SPATA16: variants seen among roughly 807,000 people sequenced by gnomAD.
SPATA16 encodes spermatogenesis-associated protein 16.
In SPATA16, 36 loss-of-function variants were observed where a neutral mutation model predicts 63.3. That is an observed-to-expected ratio of 0.57 (90% CI 0.44 to 0.75). The LOEUF is 0.75. Among genes scored for constraint, SPATA16 ranks in the 30% least tolerant of loss-of-function variants. The pLI is 0.00. For synonymous variants in SPATA16, 203 were observed against 216.7 expected, an observed-to-expected ratio of 0.94 and a Z score of 0.56; for missense variants, 646 against 679.3, an observed-to-expected ratio of 0.95 and a Z score of 0.54.
intron 6 of SPATA16, among the ~76,000 whole-genome samples, chr3:172,947,728 T>C (rs779443066): frequency 6.6e-6 from 1 of 151,820 alleles, no homozygotes; most frequent in Admixed American, 6.6e-5. Flanking sequence ...AGTTGAACAA[T>C]GAGAACACAT....
chr3:173,014,563 C>T (rs1442512885), intron 4 of SPATA16, among the ~76,000 whole-genome samples: 1 of 152,078 alleles, frequency 6.6e-6, no homozygotes, highest in Non-Finnish European at 1.5e-5. Flanking sequence ...AATAAACCCG[C>T]ACATGTATCC....
At chr3:172,992,744 C>G (rs1734608229) in intron 4 of SPATA16, among the ~76,000 whole-genome samples, 1 of 152,012 alleles carries the variant, frequency 6.6e-6, no homozygotes, top group Non-Finnish European at 1.5e-5. Flanking sequence ...AGACTCAAGG[C>G]CCTGCCCAAA....
At chr3:172,961,012 T>G (rs1733753009) in intron 5 of SPATA16, among the ~76,000 whole-genome samples, 1 of 142,324 alleles carries the variant, frequency 7.0e-6, no homozygotes. Flanking sequence ...CTTTCTTTCT[T>G]TCTTTTTCTC....
chr3:173,115,746 T>G (rs1183808866), intron 2 of SPATA16, among the ~76,000 whole-genome samples: 1 of 152,208 alleles, frequency 6.6e-6, no homozygotes, highest in East Asian at 1.9e-4. Flanking sequence ...TATTAATAAT[T>G]CATTATAACT....
chr3:172,889,746 T>C (rs1157642371), intron 10 of SPATA16, 54 bp from the exon 11 acceptor site: 6 of 1,602,424 alleles, frequency 3.7e-6, no homozygotes, highest in Non-Finnish European at 4.2e-6. Flanking sequence ...CTGGGTTTTG[T>C]ATACTTATAA....
chr3:173,006,342 A>G (rs1436590319), intron 4 of SPATA16, among the ~76,000 whole-genome samples: 2 of 152,250 alleles, frequency 1.3e-5, no homozygotes. Context: ...GCCTTGAATA[A>G]AGAGAAAGCC....
intron 2 of SPATA16, among the ~76,000 whole-genome samples, chr3:173,077,657 C>A (rs2108311499): frequency 6.6e-6 from 1 of 152,246 alleles, no homozygotes; most frequent in East Asian, 1.9e-4. Context: ...ATGGCTCAGT[C>A]CAAGTGCACA....
At chr3:172,991,111 A>G (rs775109289) in intron 4 of SPATA16, among the ~76,000 whole-genome samples, 5 of 152,084 alleles carry the variant, frequency 3.3e-5, no homozygotes, top group Non-Finnish European at 5.9e-5. Flanking sequence ...GTCCTAGTCC[A>G]TCCTTGATGT....
chr3:172,937,088 A>G (rs533624224), intron 6 of SPATA16, among the ~76,000 whole-genome samples: 37 of 152,278 alleles, frequency 2.4e-4, no homozygotes, highest in Admixed American at 2.4e-3. Context: ...AATATCGAAC[A>G]CCTAGTTAGT....
At chr3:172,961,069 T>TCTTCCTTCTTTC (rs1733765554) in intron 5 of SPATA16, among the ~76,000 whole-genome samples, 1 of 72,346 alleles carries the variant, frequency 1.4e-5, no homozygotes, top group Admixed American at 1.4e-4. Context: ...CTTTCTTCTT[T>TCTTCCTTCTTTC]CTTCCTTCCT....
intron 3 of SPATA16, among the ~76,000 whole-genome samples, chr3:173,034,554 A>C (rs1270339578): frequency 6.6e-6 from 1 of 152,100 alleles, no homozygotes; most frequent in African/African-American, 2.4e-5. Flanking sequence ...CCTTTTACCA[A>C]AAGAGAAATA....
chr3:173,115,950 T>TG (rs1737888139), intron 2 of SPATA16, among the ~76,000 whole-genome samples: 1 of 151,612 alleles, frequency 6.6e-6, no homozygotes. Flanking sequence ...TGGAATGCAG[T>TG]GGTGTAATTA....
intron 1 of SPATA16, among the ~76,000 whole-genome samples, chr3:173,127,670 ATGT>A (rs1437963683): frequency 3.9e-5 from 6 of 152,234 alleles, no homozygotes; most frequent in Admixed American, 2.6e-4. Context: ...AGAACGAATA[ATGT>A]TGTGTGTTTC....
chr3:172,907,091 A>G (rs1732257838), intron 10 of SPATA16, among the ~76,000 whole-genome samples: 1 of 152,194 alleles, frequency 6.6e-6, no homozygotes, highest in Non-Finnish European at 1.5e-5. Flanking sequence ...CTGACTTTCA[A>G]AAGGCCTGTT....
intron 10 of SPATA16, among the ~76,000 whole-genome samples, chr3:172,906,047 CA>C (rs140890423): frequency 2.3e-3 from 349 of 152,312 alleles, no homozygotes; most frequent in Non-Finnish European, 4.7e-3. Context: ...AAATGAAGAG[CA>C]AATAACTTTT....
chr3:173,027,974 T>TCCCTCCCTCCCTCC (rs1735490836), intron 3 of SPATA16, among the ~76,000 whole-genome samples: 2 of 23,416 alleles, frequency 8.5e-5, no homozygotes, highest in Admixed American at 4.6e-4. Context: ...ATTTATTTTT[T>TCCCTCCCTCCCTCC]CTCCCTCCCT....
At chr3:173,091,893 C>T (rs896423289) in intron 2 of SPATA16, among the ~76,000 whole-genome samples, 30 of 152,078 alleles carry the variant, frequency 2.0e-4, no homozygotes, top group African/African-American at 7.2e-4. Context: ...AAGACAGTAA[C>T]CACCCTTTGT....
intron 8 of SPATA16, among the ~76,000 whole-genome samples, chr3:172,918,803 A>T (rs114871676): frequency 0.019 from 2,896 of 152,224 alleles, 29 homozygotes; most frequent in Middle Eastern, 0.058. Flanking sequence ...AAAACCTCAC[A>T]CAGGTACAAT....
intron 2 of SPATA16, among the ~76,000 whole-genome samples, chr3:173,093,944 T>C (rs1737287613): frequency 6.6e-6 from 1 of 152,170 alleles, no homozygotes; most frequent in African/African-American, 2.4e-5. Context: ...TTTGTGCTTA[T>C]TTGGAGTGCT....
Sources: gnomAD v4.1 joint callset for allele counts (sites outside exome capture counted in the v4.1 genomes callset) on GRCh38, gnomAD v4.1.1 for gene constraint, MANE v1.5 for transcripts, NCBI Gene and HGNC (gene_info 2026-07-23, HGNC 2026-07-21) for gene names.